TDRD5: variants seen among roughly 807,000 people sequenced by gnomAD.
The protein encoded by TDRD5 is tudor domain containing 5.
Under a neutral mutation model 120.6 loss-of-function variants are expected in TDRD5, and 41 were observed. The observed-to-expected ratio is 0.34, with a 90% CI of 0.26 to 0.44. The LOEUF (loss-of-function observed/expected upper bound fraction) is 0.44. Ranked by LOEUF, TDRD5 falls within the 20% of genes least tolerant of loss-of-function variation. The pLI, the probability that TDRD5 is intolerant of heterozygous loss-of-function variation, is 1.00. For missense variants in TDRD5, 1,006 were observed against 1,221.2 expected (o/e 0.82, Z 2.63); for synonymous variants, 430 against 433.7 (o/e 0.99, Z 0.11).
chr1:179,600,463 G>A (rs543692524), intron 4 of TDRD5, among the ~76,000 whole-genome samples: 21 of 152,252 alleles, frequency 1.4e-4, no homozygotes, highest in Admixed American at 2.6e-4. Context: ...GTGTAGTAAG[G>A]TTATACCATC....
Position 179,685,757 on chromosome 1 carries a change from C to G in TDRD5, c.2861-4939C>G, listed in dbSNP as rs147505905. Among the ~76,000 whole-genome samples the G allele has an allele frequency of 9.4e-3, 1,434 of 152,266 alleles. 14 individuals carry two copies. The highest frequency in any genetic ancestry group is 0.014 in the Non-Finnish European group (980 of 68,016). ...TAGTTCTCCTTGAAGAGGTCCTTCA[C>G]ATCCCTTGTAAATTGGATTCCTAGG... On this transcript the variant is annotated intron_variant, in intron 17 of 17. Transcript: ENST00000444136.
Position 179,680,887 on chromosome 1 carries a change from G to A in TDRD5, c.2861-9809G>A, listed in dbSNP as rs115667766. 2.2e-3 allele frequency among the ~76,000 whole-genome samples: 336 copies of A among 152,078 alleles called. 6 individuals are homozygous for A. Among genetic ancestry groups the A allele is most frequent in the African/African-American group, 7.6e-3 (317 of 41,466 alleles). Reference sequence around the variant, plus strand: ...GAATTAAAAAAACCTCACTTTAAAGGTAGGAAAAGAGAAAAAAGGGCATAT... The same window carrying A: ...GAATTAAAAAAACCTCACTTTAAAGATAGGAAAAGAGAAAAAAGGGCATAT... On this transcript the variant is annotated intron_variant, in intron 17 of 17. Coordinates refer to ENST00000444136, the MANE Select transcript of TDRD5 (RefSeq NM_001199085.3).
intron 4 of TDRD5, among the ~76,000 whole-genome samples, chr1:179,598,745 C>G (rs1675541325): frequency 6.7e-6 from 1 of 149,870 alleles, no homozygotes; most frequent in Non-Finnish European, 1.5e-5. Flanking sequence ...AAACTCAGTT[C>G]TGTAATTCAA....
intron 4 of TDRD5, among the ~76,000 whole-genome samples, chr1:179,598,301 G>A (rs1416949692): frequency 6.6e-6 from 1 of 152,166 alleles, no homozygotes; most frequent in Non-Finnish European, 1.5e-5. Context: ...GTTAAGTCTT[G>A]CAACTTTGTT....
At chr1:179,627,349 TG>T (rs979599012) in intron 6 of TDRD5, among the ~76,000 whole-genome samples, 7 of 152,088 alleles carry the variant, frequency 4.6e-5, no homozygotes, top group African/African-American at 7.2e-5. Flanking sequence ...AAATGAGGGT[TG>T]GGGGGAGAGA....
rs1558391611 is a variant in TDRD5, at chr1:179,630,932, C to T, written c.1126+12C>T. ...GCCTCTACCACCTGGTGAGTGGAAC[C>T]ACAGTATGATGCAAACCTCATTTTT... On this transcript the variant is annotated intron_variant, in intron 7 of 17. Transcript: ENST00000444136. The T allele has an allele frequency of 6.2e-7, 1 of 1,608,336 alleles. No individual in the cohort carries two copies. Among genetic ancestry groups the T allele is most frequent in the East Asian group, 2.2e-5 (1 of 44,832 alleles).
At chr1:179,603,609 C>A (rs987978123) in intron 4 of TDRD5, among the ~76,000 whole-genome samples, 43 of 152,100 alleles carry the variant, frequency 2.8e-4, no homozygotes, top group African/African-American at 1.0e-3. Context: ...TTGTTGAATG[C>A]TTTTTCTGCA....
rs543782340 is a variant in TDRD5, at chr1:179,671,771, A to C, written c.2860+2367A>C. On this transcript the variant is annotated intron_variant, in intron 17 of 17. Coordinates refer to ENST00000444136, the MANE Select transcript of TDRD5 (RefSeq NM_001199085.3). ...CTTTCTCTTGAGTCCCCAAAGTCCAATGTATCATTTTTATGCCTTTGCGTC... is the reference window on the plus strand; with the variant it reads ...CTTTCTCTTGAGTCCCCAAAGTCCACTGTATCATTTTTATGCCTTTGCGTC... Among the ~76,000 whole-genome samples, 102 of 152,172 alleles carry C rather than the reference A, an allele frequency of 6.7e-4. 1 individual carries two copies. The highest frequency in any genetic ancestry group is 2.4e-3 in the African/African-American group (101 of 41,508).
rs1289131865 is a variant in TDRD5, at chr1:179,690,977, AGCCGCTTAGGCTTTGAT to A, written c.*36_*52del. The A allele has an allele frequency of 6.3e-7, 1 of 1,590,546 alleles. No individual in the cohort carries two copies. The highest frequency in any genetic ancestry group is 1.7e-5 in the Admixed American group (1 of 57,566). ...GGGAGGAGGGAGAAAAACAGAATCC[AGCCGCTTAGGCTTTGAT>A]GAACTCCCAGGCCAAAATGAGGAGT... On this transcript the variant is annotated 3_prime_UTR_variant, in exon 18 of 18. Transcript: ENST00000444136.
At chr1:179,682,078 T>G (rs1026022150) in intron 17 of TDRD5, among the ~76,000 whole-genome samples, 2 of 147,722 alleles carry the variant, frequency 1.4e-5, no homozygotes, top group African/African-American at 5.0e-5. Flanking sequence ...AATATCCATG[T>G]CTTATGATTC....
chr1:179,669,445 CATG>C, intron 17 of TDRD5, 41 bp downstream of exon 17: 2 of 1,606,988 alleles, frequency 1.2e-6, no homozygotes, highest in East Asian at 2.2e-5. Flanking sequence ...AGTTGACAAA[CATG>C]ATGGTTTGCC....
Position 179,595,788 on chromosome 1 carries a change from A to G in TDRD5, c.801A>G (p.Ser267=), listed in dbSNP as rs374931085. 3.1e-6 allele frequency: 5 copies of G among 1,611,186 alleles called. No homozygotes were observed. In the African/African-American group the frequency reaches 6.7e-5, roughly 22 times the overall value. The change falls in exon 4 of 18, where the codon TCA becomes TCG. Residue 267 remains serine, a synonymous_variant. Coordinates refer to ENST00000444136, the MANE Select transcript of TDRD5 (RefSeq NM_001199085.3). ...KTSKLNVVET[S]RLNHTEKLNQ... ...CCAAGTTAAATGTAGTGGAGACTTC[A>G]AGACTGAATCACACTGAAAAATTAA...
chr1:179,594,654 T>G (rs1675291316), intron 3 of TDRD5, among the ~76,000 whole-genome samples: 2 of 152,252 alleles, frequency 1.3e-5, no homozygotes, highest in Admixed American at 1.3e-4. Flanking sequence ...AATTCTATGC[T>G]TATTTCAGTG....
At chr1:179,671,949 GGTGTGTGTGTGTGTGTGTGTGTGTGTGT>G (rs111855083) in intron 17 of TDRD5, among the ~76,000 whole-genome samples, 44 of 141,808 alleles carry the variant, frequency 3.1e-4, no homozygotes, top group African/African-American at 1.1e-3. Flanking sequence ...AATATTCCAT[GGTGTGTGTGTGTGTGTGTGTGTGTGTGT>G]GTGTGTGTGT....
intron 2 of TDRD5, 65 bp downstream of exon 2, chr1:179,592,912 A>G: frequency 6.8e-7 from 1 of 1,480,940 alleles, no homozygotes; most frequent in Non-Finnish European, 9.3e-7. Flanking sequence ...GTAAATAATT[A>G]TTCTAGTTCT....
chr1:179,595,667 C>T lies in TDRD5; in HGVS notation c.680C>T (p.Ser227Leu), dbSNP rs1187033947. 6 of 1,611,930 alleles carry T rather than the reference C, an allele frequency of 3.7e-6. No individual in the cohort carries two copies. Among genetic ancestry groups the T allele is most frequent in the Non-Finnish European group, 5.1e-6 (6 of 1,179,282 alleles). Reference sequence around the variant, plus strand: ...CAGCCATTTAGAATGAAACAAGGGTCATACTCCACAGGCTTTCCGGTAGCA... The same window carrying T: ...CAGCCATTTAGAATGAAACAAGGGTTATACTCCACAGGCTTTCCGGTAGCA... ...FTQPFRMKQG[S>L]YSTGFPVAKP... The change falls in exon 4 of 18, where the codon TCA becomes TTA. Residue 227 changes from serine to leucine, a missense_variant. Physicochemically the swap from Ser to Leu is moderately radical, Grantham distance 145 (BLOSUM62 -2). Around this residue, in one of 3 missense-constraint regions of TDRD5, gnomAD observed 445 missense variants for 515.5 expected, o/e 0.86. Transcript: ENST00000444136.
At chr1:179,594,369 A>G (rs1201355332) in intron 3 of TDRD5, among the ~76,000 whole-genome samples, 1 of 152,212 alleles carries the variant, frequency 6.6e-6, no homozygotes, top group South Asian at 2.1e-4. Flanking sequence ...TTTACCTTGC[A>G]TTCTCATTAC....
Position 179,632,206 on chromosome 1 carries a change from G to A in TDRD5, c.1126+1286G>A, listed in dbSNP as rs1051122384. On this transcript the variant is annotated intron_variant, in intron 7 of 17. Transcript: ENST00000444136. ...CAGGCGTGAGACACCACTCCCGGCC[G>A]TGACCTTCTTTTTCTTTTGAAGTTT... Among the ~76,000 whole-genome samples, 77 of 151,760 alleles carry A rather than the reference G, an allele frequency of 5.1e-4. 3 individuals carry two copies. Among genetic ancestry groups the A allele is most frequent in the Admixed American group, 3.3e-4 (5 of 15,208 alleles).
rs534934984 is a variant in TDRD5, at chr1:179,644,053, TATATCTAG to T, written c.1800+3609_1800+3616del. Among the ~76,000 whole-genome samples, 477 of 152,328 alleles carry T rather than the reference TATATCTAG, an allele frequency of 3.1e-3. 3 individuals are homozygous for T. The highest frequency in any genetic ancestry group is 0.011 in the African/African-American group (464 of 41,584). On this transcript the variant is annotated intron_variant, in intron 11 of 17. Transcript: ENST00000444136. ...AGAAAAAGAAGTCAAGCTGGAATTC[TATATCTAG>T]TGAAAATATCTATCAAAATGAAGAA...
Sources: allele counts gnomAD v4.1 joint callset (sites outside exome capture counted in the v4.1 genomes callset), GRCh38; gene constraint gnomAD v4.1.1; regional missense constraint gnomAD v4.1.1; transcripts MANE v1.5; gene names NCBI Gene and HGNC (gene_info 2026-07-23, HGNC 2026-07-21).